The following ZNF423 variants were observed in gnomAD, a reference collection of about 807,000 sequenced individuals.
ZNF423 encodes Ebf-associated zinc finger protein.
Under a neutral mutation model 95.8 loss-of-function variants are expected in ZNF423, and 12 were observed. The observed-to-expected ratio is 0.13, with a 90% CI of 0.08 to 0.20. The LOEUF (loss-of-function observed/expected upper bound fraction) is 0.20, where lower values mean the gene tolerates loss of function less well. Among genes scored for constraint, ZNF423 ranks in the 10% least tolerant of loss-of-function variants. The pLI is 1.00. For synonymous variants in ZNF423, 749 were observed against 711.9 expected, an observed-to-expected ratio of 1.05 and a Z score of -0.83; for missense variants, 1,316 against 1,737.1, an observed-to-expected ratio of 0.76 and a Z score of 4.31.
intron 1 of ZNF423, among the ~76,000 whole-genome samples, chr16:49,790,096 A>G (rs2034387875): frequency 6.6e-6 from 1 of 152,236 alleles, no homozygotes; most frequent in Non-Finnish European, 1.5e-5. Context: ...CCAGGCTGGT[A>G]GAGGCCATGC....
chr16:49,619,793 C>T (rs1971994820), intron 5 of ZNF423, among the ~76,000 whole-genome samples: 1 of 152,178 alleles, frequency 6.6e-6, no homozygotes, highest in South Asian at 2.1e-4. Context: ...GGTTCAGCAA[C>T]ACGTGATCCT....
intron 3 of ZNF423, among the ~76,000 whole-genome samples, chr16:49,725,099 T>C (rs2032974270): frequency 6.6e-6 from 1 of 152,120 alleles, no homozygotes; most frequent in Admixed American, 6.5e-5. Context: ...AGTCACCCAA[T>C]TGCAAAATGA....
intron 7 of ZNF423, among the ~76,000 whole-genome samples, chr16:49,521,902 G>A (rs1968411550): frequency 6.6e-6 from 1 of 152,198 alleles, no homozygotes; most frequent in Admixed American, 6.5e-5. Flanking sequence ...ATATCCTCCA[G>A]GCAACAGCCA....
At chr16:49,651,362 G>A (rs1397751813) in intron 3 of ZNF423, among the ~76,000 whole-genome samples, 2 of 152,072 alleles carry the variant, frequency 1.3e-5, no homozygotes, top group Non-Finnish European at 2.9e-5. Context: ...GAAGGCCTGG[G>A]AGCACAGACT....
intron 2 of ZNF423, among the ~76,000 whole-genome samples, chr16:49,770,204 G>A (rs976487720): frequency 6.8e-5 from 1 of 14,704 alleles, no homozygotes; most frequent in Non-Finnish European, 9.7e-5. Flanking sequence ...AAGAATGAAC[G>A]AATGAATGAA....
intron 3 of ZNF423, among the ~76,000 whole-genome samples, chr16:49,678,746 A>G (rs1160534632): frequency 2.6e-5 from 4 of 152,244 alleles, no homozygotes; most frequent in African/African-American, 9.6e-5. Context: ...AAATTTTCAA[A>G]GATCTCACAG....
At chr16:49,769,588 T>A (rs75286207) in intron 2 of ZNF423, among the ~76,000 whole-genome samples, 1 of 151,814 alleles carries the variant, frequency 6.6e-6, no homozygotes, top group Non-Finnish European at 1.5e-5. Flanking sequence ...CCCTCCCTGG[T>A]TCCCCATCAA....
At chr16:49,505,594 T>G (rs1049905437) in intron 7 of ZNF423, among the ~76,000 whole-genome samples, 1 of 152,100 alleles carries the variant, frequency 6.6e-6, no homozygotes, top group Non-Finnish European at 1.5e-5. Flanking sequence ...TAATTTGCTG[T>G]GATAAATTGT....
At chr16:49,816,759 G>C (rs2034861966) in intron 1 of ZNF423, among the ~76,000 whole-genome samples, 1 of 152,128 alleles carries the variant, frequency 6.6e-6, no homozygotes, top group Non-Finnish European at 1.5e-5. Flanking sequence ...ACTCCAGCCT[G>C]GGTGACAGAG....
chr16:49,688,523 C>G (rs930063278), intron 3 of ZNF423, among the ~76,000 whole-genome samples: 1 of 152,146 alleles, frequency 6.6e-6, no homozygotes, highest in South Asian at 2.1e-4. Context: ...GCGGCTCCCC[C>G]GGAGGCTGAA....
chr16:49,757,760 C>T (rs771161042), intron 2 of ZNF423, among the ~76,000 whole-genome samples: 24 of 152,306 alleles, frequency 1.6e-4, no homozygotes, highest in Non-Finnish European at 2.5e-4. Context: ...CCTGGACAGC[C>T]CCAACAGCAA....
intron 3 of ZNF423, among the ~76,000 whole-genome samples, chr16:49,727,392 G>A (rs890109792): frequency 6.6e-6 from 1 of 152,040 alleles, no homozygotes; most frequent in African/African-American, 2.4e-5. Context: ...TCCCACCCCT[G>A]AGGGGTAAGC....
At chr16:49,510,878 G>C (rs1967866452) in intron 7 of ZNF423, among the ~76,000 whole-genome samples, 1 of 152,250 alleles carries the variant, frequency 6.6e-6, no homozygotes, top group African/African-American at 2.4e-5. Context: ...CCGGCCTGAG[G>C]CTCCTGGCAG....
intron 3 of ZNF423, among the ~76,000 whole-genome samples, chr16:49,699,044 T>C (rs1056243273): frequency 8.5e-5 from 13 of 152,218 alleles, no homozygotes; most frequent in Admixed American, 2.6e-4. Context: ...CACTCACCTA[T>C]TGACATTTTT....
intron 5 of ZNF423, among the ~76,000 whole-genome samples, chr16:49,547,989 G>T (rs1203404667): frequency 6.6e-6 from 1 of 152,118 alleles, no homozygotes; most frequent in Admixed American, 6.5e-5. Context: ...GAAATGAATC[G>T]ATTTGAATTT....
At chr16:49,720,257 G>A (rs187983002) in intron 3 of ZNF423, among the ~76,000 whole-genome samples, 50 of 152,234 alleles carry the variant, frequency 3.3e-4, no homozygotes, top group Non-Finnish European at 5.0e-4. Flanking sequence ...CAAACAGTGT[G>A]AGGTCCGTGG....
intron 1 of ZNF423, among the ~76,000 whole-genome samples, chr16:49,805,662 T>G (rs1301454911): frequency 6.6e-6 from 1 of 152,206 alleles, no homozygotes; most frequent in Non-Finnish European, 1.5e-5. Flanking sequence ...CAGTGACCAG[T>G]CTGCAGAGGT....
At chr16:49,546,195 T>C (rs1969431909) in intron 5 of ZNF423, among the ~76,000 whole-genome samples, 1 of 152,204 alleles carries the variant, frequency 6.6e-6, no homozygotes, top group Non-Finnish European at 1.5e-5. Context: ...TTGCCCAGCA[T>C]CTTGCACAAT....
chr16:49,681,151 T>TA lies in ZNF423; in HGVS notation c.302-42278dup, dbSNP rs539419590. On this transcript the variant is annotated intron_variant, in intron 3 of 7. Coordinates refer to ENST00000563137, the MANE Select transcript of ZNF423 (RefSeq NM_001379286.1). Reference sequence around the variant, plus strand: ...TTCTGGTGAACAAAGCAGAAAGCACTATGTGGCGGACTCAGTACAAACTCC... The same window carrying TA: ...TTCTGGTGAACAAAGCAGAAAGCACTAATGTGGCGGACTCAGTACAAACTCC... Among the ~76,000 whole-genome samples, 424 of 152,272 alleles carry TA rather than the reference T, an allele frequency of 2.8e-3. 1 individual carries two copies. Among genetic ancestry groups the TA allele is most frequent in the African/African-American group, 8.8e-3 (364 of 41,540 alleles).
Sources: gnomAD v4.1 joint callset for allele counts (sites outside exome capture counted in the v4.1 genomes callset) on GRCh38, gnomAD v4.1.1 for gene constraint, MANE v1.5 for transcripts, NCBI Gene and HGNC (gene_info 2026-07-23, HGNC 2026-07-21) for gene names.